The following MTCL1 variants were observed in gnomAD, a reference collection of about 807,000 sequenced individuals.
MTCL1 encodes the protein microtubule crosslinking factor 1.
In MTCL1, 79 loss-of-function variants were observed where a neutral mutation model predicts 141.4. The ratio of observed to expected loss-of-function variants is 0.56; its 90% CI spans 0.47 to 0.67. The LOEUF (loss-of-function observed/expected upper bound fraction) is 0.67. MTCL1 is among the 30% of genes least tolerant of loss of function. MTCL1 has a pLI of 0.00. For synonymous variants in MTCL1, 914 were observed against 875.8 expected, an observed-to-expected ratio of 1.04 and a Z score of -0.77; for missense variants, 2,177 against 2,113.9, an observed-to-expected ratio of 1.03 and a Z score of -0.59.
intron 4 of MTCL1, among the ~76,000 whole-genome samples, chr18:8,724,076 G>A (rs1294332055): frequency 6.6e-6 from 1 of 152,112 alleles, no homozygotes; most frequent in African/African-American, 2.4e-5. Flanking sequence ...AGAGGTGGTG[G>A]CTGCACAACA....
At chr18:8,714,022 A>G (rs1255246391), upstream of MTCL1, among the ~76,000 whole-genome samples, 1 of 152,148 alleles carries the variant, frequency 6.6e-6, no homozygotes, top group Non-Finnish European at 1.5e-5. Context: ...GCCCTAATGG[A>G]TATGCTTTGT....
At chr18:8,825,233 C>G in exon 15 of MTCL1, 1 of 1,596,930 alleles carries the variant, frequency 6.3e-7, no homozygotes, top group Non-Finnish European at 8.5e-7. Context: ...GGCCTTGCAC[C>G]TCCCCCAGGC....
chr18:8,826,033 G>A (rs1237149009), exon 15 of MTCL1: 8 of 1,611,486 alleles, frequency 5.0e-6, no homozygotes, highest in Non-Finnish European at 6.8e-6. Flanking sequence ...AGGGAGGAAG[G>A]GGGAGAGGGC....
intron 10 of MTCL1, chr18:8,801,566 C>T (rs2076123957): frequency 6.6e-6 from 1 of 152,188 alleles, no homozygotes; most frequent in East Asian, 1.9e-4. Flanking sequence ...TAAAAATTCA[C>T]ATGTGCAGAT....
At chr18:8,759,126 G>C (rs796357344) in intron 4 of MTCL1, among the ~76,000 whole-genome samples, 2 of 152,208 alleles carry the variant, frequency 1.3e-5, no homozygotes, top group Non-Finnish European at 2.9e-5. Context: ...CAAAGTCTTC[G>C]TGTGGAAAGA....
chr18:8,725,008 C>T (rs563629), intron 4 of MTCL1, among the ~76,000 whole-genome samples: 8,367 of 151,222 alleles, frequency 0.055, 645 homozygotes, highest in African/African-American at 0.16. Flanking sequence ...GTATTCAACT[C>T]TACCTATAGT....
intron 6 of MTCL1, 134 bp downstream of exon 5, chr18:8,784,977 C>T (rs550796387): frequency 9.6e-5 from 61 of 634,232 alleles, no homozygotes; most frequent in East Asian, 6.0e-4. Context: ...CTAAAGCCTC[C>T]GGGGCAACCG....
At chr18:8,729,877 C>T (rs2096241724) in intron 4 of MTCL1, among the ~76,000 whole-genome samples, 1 of 151,960 alleles carries the variant, frequency 6.6e-6, no homozygotes, top group African/African-American at 2.4e-5. Context: ...CTGTGCCTAA[C>T]CCTACATCCT....
chr18:8,739,167 C>T (rs2096288737), intron 4 of MTCL1, among the ~76,000 whole-genome samples: 1 of 152,140 alleles, frequency 6.6e-6, no homozygotes, highest in African/African-American at 2.4e-5. Context: ...ATCTCTTGAG[C>T]CCAGGAGTTC....
intron 8 of MTCL1, 51 bp downstream of exon 7, chr18:8,793,171 C>G (rs1291478098): frequency 6.2e-7 from 1 of 1,603,188 alleles, no homozygotes; most frequent in East Asian, 2.2e-5. Context: ...CTGCAGAGCC[C>G]CAAAGGAGAA....
intron 5 of MTCL1, 106 bp from the exon 5 acceptor site, chr18:8,783,424 T>A: frequency 1.9e-6 from 2 of 1,031,654 alleles, no homozygotes; most frequent in Non-Finnish European, 1.4e-6. Context: ...AAGATCGGTG[T>A]TTGATGTTTG....
chr18:8,706,604 C>A, exon 1 of MTCL1: 1 of 1,527,928 alleles, frequency 6.5e-7, no homozygotes, highest in South Asian at 1.2e-5. Context: ...GTCCCCGGGA[C>A]CCCCAAGGAG....
At chr18:8,787,919 G>A (rs993507380) in intron 7 of MTCL1, among the ~76,000 whole-genome samples, 6 of 152,144 alleles carry the variant, frequency 3.9e-5, no homozygotes, top group African/African-American at 2.4e-5. Flanking sequence ...GGGAGAGGCC[G>A]CCCTGTCCCT....
intron 14 of MTCL1, 44 bp from the exon 14 acceptor site, chr18:8,824,655 G>A (rs990118871): frequency 6.5e-7 from 1 of 1,531,760 alleles, no homozygotes; most frequent in Non-Finnish European, 8.9e-7. Context: ...GTGTGTCAGA[G>A]GCTCCCTGGC....
At chr18:8,784,597 C>G in exon 6 of MTCL1, 1 of 1,612,260 alleles carries the variant, frequency 6.2e-7, no homozygotes, top group Non-Finnish European at 8.5e-7. Flanking sequence ...GGCCTGGCCT[C>G]CAGGGCGAAG....
intron 10 of MTCL1, among the ~76,000 whole-genome samples, chr18:8,806,579 T>C (rs761411468): frequency 2.0e-5 from 3 of 152,148 alleles, no homozygotes; most frequent in Non-Finnish European, 4.4e-5. Context: ...ACAGCACCTC[T>C]GTGGCAGGTT....
exon 15 of MTCL1, chr18:8,825,621 G>T (rs1416057905): frequency 6.2e-7 from 1 of 1,613,862 alleles, no homozygotes; most frequent in South Asian, 1.1e-5. Flanking sequence ...CAGACAGGTG[G>T]CCCCTGCCAT....
At chr18:8,794,308 A>G (rs2075838073) in intron 8 of MTCL1, among the ~76,000 whole-genome samples, 1 of 152,164 alleles carries the variant, frequency 6.6e-6, no homozygotes, top group South Asian at 2.1e-4. Flanking sequence ...GAGGCTTCGG[A>G]TGGTAGGAGA....
chr18:8,806,860 G>A, intron 10 of MTCL1, 33 bp from the exon 10 acceptor site: 1 of 1,606,122 alleles, frequency 6.2e-7, no homozygotes, highest in South Asian at 1.1e-5. Context: ...ACGCTTAAAG[G>A]AGGTGGTGGA....
Sources: allele counts gnomAD v4.1 joint callset (sites outside exome capture counted in the v4.1 genomes callset), GRCh38; gene constraint gnomAD v4.1.1; transcripts MANE v1.5; gene names NCBI Gene and HGNC (gene_info 2026-07-23, HGNC 2026-07-21).